JPH1: variants seen among roughly 807,000 people sequenced by gnomAD.
JPH1 encodes junctophilin 1.
Under a neutral mutation model 53.6 loss-of-function variants are expected in JPH1, and 12 were observed. The observed-to-expected ratio is 0.22, with a 90% CI of 0.14 to 0.36. JPH1 has a LOEUF of 0.36. JPH1 is among the 10% of genes least tolerant of loss of function. JPH1 has a pLI of 1.00. For synonymous variants in JPH1, 375 were observed against 363.8 expected (o/e 1.03, Z -0.35); for missense variants, 808 against 905.5 (o/e 0.89, Z 1.38).
chr8:74,306,808 G>A (rs1246834323), intron 2 of JPH1, among the ~76,000 whole-genome samples: 1 of 152,024 alleles, frequency 6.6e-6, no homozygotes, highest in Non-Finnish European at 1.5e-5. Context: ...TGTTGGCCAG[G>A]CTGGTCTCGA....
At chr8:74,240,413 T>C (rs1002205332) in intron 4 of JPH1, among the ~76,000 whole-genome samples, 1 of 152,094 alleles carries the variant, frequency 6.6e-6, no homozygotes, top group African/African-American at 2.4e-5. Context: ...ACGTCTTCAC[T>C]TTCCATCCAG....
At chr8:74,240,112 C>T (rs574989145) in intron 4 of JPH1, among the ~76,000 whole-genome samples, 7 of 152,218 alleles carry the variant, frequency 4.6e-5, no homozygotes, top group African/African-American at 1.7e-4. Flanking sequence ...GCTGGGACTA[C>T]AGGTGTTCAC....
At position 74,321,368 on chromosome 8, in the gene JPH1, G is replaced by A; in HGVS notation, c.-81C>T. 7.4e-7 allele frequency: 1 copy of A among 1,346,364 alleles called. No individual in the cohort carries two copies. Among genetic ancestry groups the A allele is most frequent in the Non-Finnish European group, 9.6e-7 (1 of 1,038,624 alleles). The allele number at this position is 1,346,364 out of a possible 1,614,324, so 83.4% of individuals were successfully genotyped here. A position where few individuals can be genotyped will look rare whatever the true frequency, so the allele number is the denominator to read the frequency against. ...GCACGGCAGGGTGTAGCTCGGGGGTGGGGGCCCGGCGGGCGAGCTCACGAC... is the reference window on the plus strand; with the variant it reads ...GCACGGCAGGGTGTAGCTCGGGGGTAGGGGCCCGGCGGGCGAGCTCACGAC... On this transcript the variant is annotated 5_prime_UTR_variant, in exon 1 of 6. Coordinates refer to ENST00000342232, the MANE Select transcript of JPH1 (RefSeq NM_020647.4). This position sits in a 1 kb window ranked among gnomAD's most constrained non-coding sequence, Gnocchi z 4.3.
intron 4 of JPH1, among the ~76,000 whole-genome samples, chr8:74,241,490 G>C (rs1242211732): frequency 2.0e-5 from 3 of 152,164 alleles, no homozygotes; most frequent in Non-Finnish European, 4.4e-5. Flanking sequence ...AAATTTTCCA[G>C]GTGGTAAGAA....
intron 2 of JPH1, among the ~76,000 whole-genome samples, chr8:74,303,711 A>C (rs964735331): frequency 6.6e-6 from 1 of 152,056 alleles, no homozygotes; most frequent in Non-Finnish European, 1.5e-5. Context: ...AGCCTCCCAA[A>C]GTGCTGGGAT....
At chr8:74,268,144 A>G (rs1806589335) in intron 2 of JPH1, among the ~76,000 whole-genome samples, 1 of 152,114 alleles carries the variant, frequency 6.6e-6, no homozygotes, top group African/African-American at 2.4e-5. Flanking sequence ...TATATGAAGT[A>G]CTTAGTACTA....
At chr8:74,293,252 T>C (rs1000657361) in intron 2 of JPH1, among the ~76,000 whole-genome samples, 2 of 152,166 alleles carry the variant, frequency 1.3e-5, no homozygotes, top group Non-Finnish European at 2.9e-5. Flanking sequence ...TCAAAGACAC[T>C]ATTATATCCT....
At chr8:74,281,788 G>C (rs549026023) in intron 2 of JPH1, among the ~76,000 whole-genome samples, 2 of 152,110 alleles carry the variant, frequency 1.3e-5, no homozygotes, top group African/African-American at 4.8e-5. Flanking sequence ...AATCTTCTTG[G>C]ATTTCCCCCT....
Position 74,236,994 on chromosome 8 carries a change from AGAG to A in JPH1, c.*54_*56del. ...TTTAAAGGGCTGACGGCACCACTGC[AGAG>A]AACTGTGGGCTAACACACCACTAGT... On this transcript the variant is annotated 3_prime_UTR_variant, in exon 6 of 6. Coordinates refer to ENST00000342232, the MANE Select transcript of JPH1 (RefSeq NM_020647.4). 1 of 464,482 alleles carries A rather than the reference AGAG, an allele frequency of 2.2e-6. No homozygotes were observed. The highest frequency in any genetic ancestry group is 3.9e-6 in the Non-Finnish European group (1 of 259,462). 28.8% of individuals were successfully genotyped at this position (464,482 alleles called of 1,614,324 possible).
At chr8:74,245,269 A>T in intron 3 of JPH1, 94 bp from the exon 4 acceptor site, 7 of 1,084,408 alleles carry the variant, frequency 6.5e-6, no homozygotes, top group Non-Finnish European at 7.6e-6. Context: ...TTTAAAAATA[A>T]TATATTCATA....
chr8:74,291,876 G>A (rs1807337272), intron 2 of JPH1, among the ~76,000 whole-genome samples: 1 of 152,142 alleles, frequency 6.6e-6, no homozygotes, highest in Non-Finnish European at 1.5e-5. Flanking sequence ...GTCCTTTGTA[G>A]GGACATGGAT....
At chr8:74,250,430 G>A (rs1806012108) in intron 3 of JPH1, among the ~76,000 whole-genome samples, 1 of 152,170 alleles carries the variant, frequency 6.6e-6, no homozygotes. Context: ...ACTGTGCCTA[G>A]CCTAAAAAGA....
chr8:74,259,853 G>GTTCT (rs1806342181), intron 2 of JPH1, among the ~76,000 whole-genome samples: 1 of 152,200 alleles, frequency 6.6e-6, no homozygotes, highest in African/African-American at 2.4e-5. Context: ...AGTAGAATTA[G>GTTCT]AACATATAAA....
chr8:74,269,274 G>C (rs962052883), intron 2 of JPH1, among the ~76,000 whole-genome samples: 2 of 152,142 alleles, frequency 1.3e-5, no homozygotes, highest in African/African-American at 4.8e-5. Flanking sequence ...CGCATCTTAA[G>C]GTCTATCCTT....
At chr8:74,282,196 T>G (rs1479162898) in intron 2 of JPH1, among the ~76,000 whole-genome samples, 1 of 152,178 alleles carries the variant, frequency 6.6e-6, no homozygotes, top group Non-Finnish European at 1.5e-5. Flanking sequence ...CCAAAGCATG[T>G]GTTCTTCCCA....
intron 2 of JPH1, among the ~76,000 whole-genome samples, chr8:74,268,721 G>C (rs550657067): frequency 6.6e-6 from 1 of 152,242 alleles, no homozygotes; most frequent in Admixed American, 6.5e-5. Flanking sequence ...TCACATATCA[G>C]TGTTGTTATG....
At chr8:74,308,687 C>A (rs1429349545) in intron 2 of JPH1, among the ~76,000 whole-genome samples, 1 of 152,076 alleles carries the variant, frequency 6.6e-6, no homozygotes, top group Non-Finnish European at 1.5e-5. Context: ...AATTAAATAT[C>A]AATTTAGACT....
chr8:74,282,941 A>G (rs1204679721), intron 2 of JPH1, among the ~76,000 whole-genome samples: 6 of 152,240 alleles, frequency 3.9e-5, no homozygotes, highest in African/African-American at 1.4e-4. Flanking sequence ...GTACAATTAT[A>G]TGTGTCATTT....
intron 2 of JPH1, among the ~76,000 whole-genome samples, chr8:74,289,221 T>G (rs1807253634): frequency 6.6e-6 from 1 of 152,228 alleles, no homozygotes; most frequent in Non-Finnish European, 1.5e-5. Context: ...AGATTTGATT[T>G]TCATTTCTTT....
Sources: allele counts gnomAD v4.1 joint callset (sites outside exome capture counted in the v4.1 genomes callset), GRCh38; gene constraint gnomAD v4.1.1; non-coding constraint Gnocchi (gnomAD v3.1); transcripts MANE v1.5; gene names NCBI Gene and HGNC (gene_info 2026-07-23, HGNC 2026-07-21).